Variants in PTPN4 observed in about 807,000 individuals in gnomAD.
PTPN4 encodes the protein tyrosine-protein phosphatase non-receptor type 4.
In PTPN4, 49 loss-of-function variants were observed where a neutral mutation model predicts 135.5. That is an observed-to-expected ratio of 0.36 (90% CI 0.29 to 0.46). The LOEUF (loss-of-function observed/expected upper bound fraction) is 0.46. Among genes scored for constraint, PTPN4 ranks in the 20% least tolerant of loss-of-function variants. The pLI is 1.00. For missense variants in PTPN4, 860 were observed against 1,101.0 expected (o/e 0.78, Z 3.10); for synonymous variants, 333 against 369.9 (o/e 0.90, Z 1.14).
At chr2:119,907,461 G>T (rs1160402203) in intron 10 of PTPN4, among the ~76,000 whole-genome samples, 6 of 152,064 alleles carry the variant, frequency 3.9e-5, no homozygotes, top group Admixed American at 3.9e-4. Context: ...AAAATTAGCT[G>T]GGCATAATGG....
chr2:119,931,433 CTTTTTT>C (rs1158907026), intron 13 of PTPN4, among the ~76,000 whole-genome samples: 1 of 83,366 alleles, frequency 1.2e-5, no homozygotes, highest in South Asian at 3.8e-4. Context: ...TTCTTTCTTT[CTTTTTT>C]TTTTTTTTTT....
chr2:119,856,264 CTAT>C (rs1677679776), intron 2 of PTPN4, among the ~76,000 whole-genome samples: 1 of 152,198 alleles, frequency 6.6e-6, no homozygotes, highest in Non-Finnish European at 1.5e-5. Context: ...CATCTTTGAA[CTAT>C]CAGCAGTTAC....
intron 15 of PTPN4, among the ~76,000 whole-genome samples, chr2:119,938,541 A>C (rs923210714): frequency 1.3e-5 from 2 of 152,202 alleles, no homozygotes; most frequent in Admixed American, 1.3e-4. Context: ...TGTTAAAACA[A>C]TTGAGTTAGA....
intron 14 of PTPN4, among the ~76,000 whole-genome samples, 183 bp downstream of exon 14, chr2:119,932,732 G>T (rs1678923787): frequency 6.6e-6 from 1 of 152,148 alleles, no homozygotes. Flanking sequence ...AAGTAACATG[G>T]TATAGACTTG....
intron 2 of PTPN4, among the ~76,000 whole-genome samples, chr2:119,854,263 C>T (rs1223919531): frequency 6.6e-6 from 1 of 152,194 alleles, no homozygotes; most frequent in Non-Finnish European, 1.5e-5. Flanking sequence ...AATTACCATG[C>T]TGAATGGACC....
At chr2:119,810,289 GTTC>G (rs1691554666) in intron 2 of PTPN4, among the ~76,000 whole-genome samples, 1 of 152,096 alleles carries the variant, frequency 6.6e-6, no homozygotes, top group Non-Finnish European at 1.5e-5. Context: ...AAAAGAATTT[GTTC>G]TTCTAAATAA....
intron 10 of PTPN4, among the ~76,000 whole-genome samples, chr2:119,911,225 C>T (rs1329587439): frequency 3.3e-5 from 5 of 152,020 alleles, no homozygotes. Context: ...TGCAGTTACT[C>T]ATGAACATAG....
chr2:119,908,985 T>C (rs1432536887), intron 10 of PTPN4, among the ~76,000 whole-genome samples: 3 of 152,118 alleles, frequency 2.0e-5, no homozygotes, highest in Admixed American at 1.3e-4. Flanking sequence ...TCTTTAATTA[T>C]GTGAAGACTG....
intron 19 of PTPN4, among the ~76,000 whole-genome samples, chr2:119,954,826 G>A (rs1444443839): frequency 4.6e-5 from 7 of 152,110 alleles, no homozygotes; most frequent in Non-Finnish European, 1.0e-4. Flanking sequence ...GTCTCTATTT[G>A]TACTCTTGCC....
intron 9 of PTPN4, among the ~76,000 whole-genome samples, chr2:119,895,406 G>A (rs1409330304): frequency 6.6e-5 from 10 of 152,128 alleles, no homozygotes; most frequent in Admixed American, 2.0e-4. Flanking sequence ...TTGGGAGGCC[G>A]AGGTGGGTGG....
chr2:119,780,195 A>G (rs1332192348), intron 1 of PTPN4, among the ~76,000 whole-genome samples: 3 of 152,146 alleles, frequency 2.0e-5, no homozygotes, highest in Non-Finnish European at 2.9e-5. Flanking sequence ...CTCTCTCTTT[A>G]TATGTACTTT....
chr2:119,760,943 G>T (rs1690480732), intron 1 of PTPN4, among the ~76,000 whole-genome samples: 1 of 151,170 alleles, frequency 6.6e-6, no homozygotes, highest in African/African-American at 2.4e-5. Context: ...CCATAAAATG[G>T]AACAGCTTAC....
At chr2:119,777,418 T>C (rs890639723) in intron 1 of PTPN4, among the ~76,000 whole-genome samples, 2 of 152,228 alleles carry the variant, frequency 1.3e-5, no homozygotes, top group Admixed American at 6.5e-5. Context: ...TATTTTTTTC[T>C]TTCCTCATTA....
intron 1 of PTPN4, among the ~76,000 whole-genome samples, chr2:119,778,481 C>G (rs930815424): frequency 2.6e-5 from 4 of 152,142 alleles, no homozygotes; most frequent in Non-Finnish European, 5.9e-5. Flanking sequence ...TGTCTAGCAA[C>G]TAGGAGCTAT....
At chr2:119,841,440 CT>C (rs1016689014) in intron 2 of PTPN4, among the ~76,000 whole-genome samples, 19 of 152,230 alleles carry the variant, frequency 1.2e-4, no homozygotes, top group African/African-American at 4.6e-4. Context: ...GCTACTTTTC[CT>C]CTTTCTGTAT....
At chr2:119,871,989 A>T (rs1395725823) in intron 3 of PTPN4, among the ~76,000 whole-genome samples, 3 of 152,206 alleles carry the variant, frequency 2.0e-5, no homozygotes, top group African/African-American at 7.2e-5. Context: ...TTATAATAAA[A>T]TGATGAAAGA....
Position 119,766,464 on chromosome 2 carries a change from GTGTGTGTGTGTGTGTGTGT to G in PTPN4, c.-18+6081_-18+6099del, listed in dbSNP as rs1558718945. Among the ~76,000 whole-genome samples, 375 of 142,676 alleles carry G rather than the reference GTGTGTGTGTGTGTGTGTGT, an allele frequency of 2.6e-3. 3 individuals carry two copies. Among genetic ancestry groups the G allele is most frequent in the African/African-American group, 9.7e-3 (350 of 36,062 alleles). The allele number at this position is 142,676 out of a possible 152,430, so 93.6% of individuals were successfully genotyped here. On this transcript the variant is annotated intron_variant, in intron 1 of 26. Coordinates refer to ENST00000263708, the MANE Select transcript of PTPN4 (RefSeq NM_002830.4). ...CATGTGCGCGCGTGTGTGTGTGTGT[GTGTGTGTGTGTGTGTGTGT>G]CTGTGTGTGTGTGTGTGTGTGTGTG...
intron 2 of PTPN4, among the ~76,000 whole-genome samples, chr2:119,832,287 C>T (rs546037769): frequency 1.8e-4 from 27 of 152,108 alleles, no homozygotes; most frequent in African/African-American, 5.3e-4. Flanking sequence ...CAAAAAGTTT[C>T]GAAAATAATT....
At chr2:119,797,492 A>T (rs1691282967) in intron 1 of PTPN4, among the ~76,000 whole-genome samples, 1 of 152,224 alleles carries the variant, frequency 6.6e-6, no homozygotes, top group African/African-American at 2.4e-5. Flanking sequence ...ATATTAGATG[A>T]AAAGTGCTCA....
Sources: allele counts gnomAD v4.1 joint callset (sites outside exome capture counted in the v4.1 genomes callset), GRCh38; gene constraint gnomAD v4.1.1; transcripts MANE v1.5; gene names NCBI Gene and HGNC (gene_info 2026-07-23, HGNC 2026-07-21).